The following NTRK2 variants were observed in gnomAD, a reference collection of about 807,000 sequenced individuals.
The protein encoded by NTRK2 is BDNF/NT-3 growth factors receptor.
Under a neutral mutation model 94.5 loss-of-function variants are expected in NTRK2, and 13 were observed. That is an observed-to-expected ratio of 0.14 (90% CI 0.09 to 0.22). The LOEUF (loss-of-function observed/expected upper bound fraction) is 0.22. Among genes scored for constraint, NTRK2 ranks in the 10% least tolerant of loss-of-function variants. The pLI, the probability that NTRK2 is intolerant of heterozygous loss-of-function variation, is 1.00. For synonymous variants in NTRK2, 372 were observed against 407.4 expected, an observed-to-expected ratio of 0.91 and a Z score of 1.05; for missense variants, 639 against 1,071.2, an observed-to-expected ratio of 0.60 and a Z score of 5.63.
intron 12 of NTRK2, chr9:84,811,878 G>C: frequency 9.4e-7 from 1 of 1,064,488 alleles, no homozygotes; most frequent in Non-Finnish European, 1.1e-6. Flanking sequence ...CAGGCAGTAT[G>C]CTTGTCCTGA....
intron 14 of NTRK2, among the ~76,000 whole-genome samples, chr9:84,923,111 T>A (rs189770008): frequency 1.3e-5 from 2 of 152,326 alleles, no homozygotes; most frequent in Non-Finnish European, 2.9e-5. Context: ...CTGCCTTCTA[T>A]GGAATTGGGG....
intron 12 of NTRK2, among the ~76,000 whole-genome samples, chr9:84,830,154 C>A (rs1210071815): frequency 6.6e-6 from 1 of 152,208 alleles, no homozygotes; most frequent in Non-Finnish European, 1.5e-5. Flanking sequence ...CTCACAGTGG[C>A]TCTGGCAACG....
intron 14 of NTRK2, among the ~76,000 whole-genome samples, chr9:84,911,519 C>A (rs1447871994): frequency 1.3e-5 from 2 of 152,044 alleles, no homozygotes; most frequent in African/African-American, 4.8e-5. Flanking sequence ...AAAGAATTGG[C>A]CCATTTTGTC....
At chr9:84,694,544 G>A (rs1055567175) in intron 2 of NTRK2, among the ~76,000 whole-genome samples, 8 of 152,176 alleles carry the variant, frequency 5.3e-5, no homozygotes, top group Admixed American at 1.3e-4. Context: ...CTGATCTTCC[G>A]TATCACCTGC....
chr9:84,836,934 G>GTATGATATAATATAA lies in NTRK2; in HGVS notation c.1397-24103_1397-24102insGATATAATATAATAT. On this transcript the variant is annotated intron_variant, in intron 12 of 18. Coordinates refer to ENST00000277120, the MANE Select transcript of NTRK2 (RefSeq NM_006180.6). ...TAATAGATTGAGAGCTTGTCGTAGAGTATAATATAATATAATATAATATAA... is the reference window on the plus strand; with the variant it reads ...TAATAGATTGAGAGCTTGTCGTAGAGTATGATATAATATAATATAATATAATATAATATAATATAA... Among the ~76,000 whole-genome samples, 2 of 134,194 alleles carry GTATGATATAATATAA rather than the reference G, an allele frequency of 1.5e-5. 1 individual carries two copies. Among genetic ancestry groups the GTATGATATAATATAA allele is most frequent in the South Asian group, 5.3e-4 (2 of 3,792 alleles). The allele number at this position is 134,194 out of a possible 152,430, so 88.0% of individuals were successfully genotyped here. A position where few individuals can be genotyped will look rare whatever the true frequency, so the allele number is the denominator to read the frequency against.
chr9:84,948,754 A>G (rs1317312516), intron 16 of NTRK2, 120 bp downstream of exon 16: 2 of 798,688 alleles, frequency 2.5e-6, no homozygotes, highest in African/African-American at 1.7e-5. Context: ...TTATTTGATA[A>G]TGACACCAGC....
intron 14 of NTRK2, among the ~76,000 whole-genome samples, chr9:84,931,397 ACT>A (rs917288387): frequency 2.8e-5 from 4 of 145,192 alleles, no homozygotes; most frequent in Middle Eastern, 3.6e-3. Flanking sequence ...ACAGAGCGAG[ACT>A]CTGTCTCAAA....
At chr9:85,010,968 C>T (rs927118703) in intron 17 of NTRK2, among the ~76,000 whole-genome samples, 3 of 152,042 alleles carry the variant, frequency 2.0e-5, no homozygotes, top group Admixed American at 1.3e-4. Flanking sequence ...ACATGGAGTC[C>T]AGGAAGCCAT....
At chr9:84,690,505 C>T (rs2059982445) in intron 2 of NTRK2, among the ~76,000 whole-genome samples, 2 of 151,366 alleles carry the variant, frequency 1.3e-5, no homozygotes, top group South Asian at 4.2e-4. Context: ...CTTGAAAGAA[C>T]AGGGAAAGAG....
chr9:84,904,316 A>AT lies in NTRK2; in HGVS notation c.1634-29842dup, dbSNP rs567859345. Among the ~76,000 whole-genome samples the AT allele has an allele frequency of 5.8e-3, 885 of 152,288 alleles. 5 individuals carry two copies. Among genetic ancestry groups the AT allele is most frequent in the Middle Eastern group, 0.014 (4 of 294 alleles). ...TTTTAATCTTTATAAATACCTTTGA[A>AT]TTTTAATAAGGCAAGTTCACAGCAA... is the stretch of plus-strand genomic sequence containing the variant. On this transcript the variant is annotated intron_variant, in intron 14 of 18. Transcript: ENST00000277120.
chr9:84,678,942 C>T (rs1423454518), intron 2 of NTRK2, among the ~76,000 whole-genome samples: 1 of 152,120 alleles, frequency 6.6e-6, no homozygotes, highest in Non-Finnish European at 1.5e-5. Flanking sequence ...AACTCAGTCA[C>T]CAGGGTAGTG....
At chr9:84,773,982 C>T (rs367708253) in intron 12 of NTRK2, among the ~76,000 whole-genome samples, 63 of 152,284 alleles carry the variant, frequency 4.1e-4, no homozygotes, top group African/African-American at 1.2e-3. Flanking sequence ...GTTTGTGGCT[C>T]CTAACGTCAA....
chr9:84,701,276 G>C (rs186536600), intron 2 of NTRK2, among the ~76,000 whole-genome samples: 1 of 152,320 alleles, frequency 6.6e-6, no homozygotes. Context: ...TCTTTCTGTG[G>C]ACTGACTTCA....
intron 13 of NTRK2, among the ~76,000 whole-genome samples, chr9:84,862,056 C>A (rs577182319): frequency 6.6e-6 from 1 of 152,282 alleles, no homozygotes; most frequent in South Asian, 2.1e-4. Flanking sequence ...GACCAGCCGG[C>A]TGAGGCAGCC....
chr9:84,942,081 GATATAC>G (rs1342398071), intron 15 of NTRK2, among the ~76,000 whole-genome samples: 7 of 152,074 alleles, frequency 4.6e-5, no homozygotes, highest in African/African-American at 1.7e-4. Flanking sequence ...TAACTGAGTT[GATATAC>G]ATAGAGTATT....
At chr9:84,992,570 T>C (rs74679569) in intron 17 of NTRK2, among the ~76,000 whole-genome samples, 2,731 of 152,284 alleles carry the variant, frequency 0.018, 41 homozygotes, top group Middle Eastern at 0.051. Context: ...GCCCATTGTC[T>C]GGCACCGTGC....
intron 17 of NTRK2, among the ~76,000 whole-genome samples, chr9:85,012,099 C>T (rs1394445869): frequency 6.6e-6 from 1 of 151,848 alleles, no homozygotes; most frequent in African/African-American, 2.4e-5. Flanking sequence ...AGCGATTCTC[C>T]TGCCTCAGCC....
At chr9:84,814,557 T>G in intron 12 of NTRK2, 1 of 1,065,922 alleles carries the variant, frequency 9.4e-7, no homozygotes. Context: ...ATTCCTCCAT[T>G]GCAAAATGGA....
At position 84,811,281 on chromosome 9, in the gene NTRK2, C is replaced by G. The variant is rs2071754345; in HGVS notation, c.1397-49759C>G. ...TCTTAAAGTTCCTTAGCCAGCAAAACAAAACAAAACAAAACAAACAAATGA... is the reference window on the plus strand; with the variant it reads ...TCTTAAAGTTCCTTAGCCAGCAAAAGAAAACAAAACAAAACAAACAAATGA... On this transcript the variant is annotated intron_variant, in intron 12 of 18. Transcript: ENST00000277120. 17 of 1,063,612 alleles carry G rather than the reference C, an allele frequency of 1.6e-5. No homozygotes were observed. In the East Asian group the frequency reaches 8.5e-4, roughly 53 times the overall value. 65.9% of individuals were successfully genotyped at this position (1,063,612 alleles called of 1,614,324 possible). A position where few individuals can be genotyped will look rare whatever the true frequency, so the allele number is the denominator to read the frequency against.
Sources: allele counts gnomAD v4.1 joint callset (sites outside exome capture counted in the v4.1 genomes callset), GRCh38; gene constraint gnomAD v4.1.1; transcripts MANE v1.5; gene names NCBI Gene and HGNC (gene_info 2026-07-23, HGNC 2026-07-21).